DHX40: variants seen among roughly 807,000 people sequenced by gnomAD.
DHX40 encodes the protein probable ATP-dependent RNA helicase DHX40.
DHX40 carries 28 observed loss-of-function variants against 89.6 expected under a neutral mutation model. The ratio of observed to expected loss-of-function variants is 0.31; its 90% confidence interval spans 0.23 to 0.43. The LOEUF (loss-of-function observed/expected upper bound fraction) is 0.43. Among genes scored for constraint, DHX40 ranks in the 20% least tolerant of loss-of-function variants. The pLI is 1.00. For synonymous variants in DHX40, 226 were observed against 283.6 expected (o/e 0.80, Z 2.04); for missense variants, 457 against 844.0 (o/e 0.54, Z 5.68).
At position 59,569,102 on chromosome 17, in the gene DHX40, A is replaced by G. The variant is rs1312896370; in HGVS notation, c.281-1416A>G. The stretch of plus-strand genomic sequence containing the variant: ...CCAGCACATTGGGAGGCTGAGGCAG[A>G]TGGATCACTTGAGGTCAGAAGTTTG... On this transcript the variant is annotated intron_variant, in intron 2 of 17. Transcript: ENST00000251241. Among the ~76,000 whole-genome samples the G allele has an allele frequency of 2.6e-3, 397 of 152,024 alleles. 1 individual carries two copies. Among genetic ancestry groups the G allele is most frequent in the African/African-American group, 8.6e-3 (355 of 41,496 alleles).
chr17:59,595,483 G>A (rs1451701222), intron 12 of DHX40, among the ~76,000 whole-genome samples: 3 of 150,716 alleles, frequency 2.0e-5, no homozygotes, highest in Non-Finnish European at 4.4e-5. Context: ...AAAAAATTAA[G>A]AAAAAGTATG....
Position 59,605,179 on chromosome 17 carries a change from T to C in DHX40, c.1966T>C (p.Ser656Pro). 1 of 1,614,044 alleles carries C rather than the reference T, an allele frequency of 6.2e-7. No individual in the cohort carries two copies. Among genetic ancestry groups the C allele is most frequent in the Non-Finnish European group, 8.5e-7 (1 of 1,179,926 alleles). The change falls in exon 16 of 18, where the codon TCA (serine) becomes CCA (proline). Residue 656 changes from serine to proline, a missense_variant. Transcript: ENST00000251241. ...AAGCCCAGTTCACATTCATCCTTCC[T>C]CAGCAGTAAGTACTTCATTTTTAAT... is the stretch of plus-strand genomic sequence containing the variant. ...RGSPVHIHPS[S>P]ALHEQETKLE... is the part of the protein sequence containing the mutation.
At chr17:59,573,312 G>A in intron 4 of DHX40, 77 bp downstream of exon 4, 1 of 1,248,200 alleles carries the variant, frequency 8.0e-7, no homozygotes, top group Non-Finnish European at 1.1e-6. Flanking sequence ...GTAGAGAATT[G>A]CCTCCTCTTA....
rs1175616192 is a variant in DHX40 at position 59,597,876 on chromosome 17, A to C, written c.1583-861A>C. Among the ~76,000 whole-genome samples the C allele has an allele frequency of 2.1e-5, 3 of 145,446 alleles. No homozygotes were observed. The East Asian group carries it at 6.9e-4, about 34-fold the overall frequency. ...TGTGAACCCGGGAGGCGGAGCTTGC[A>C]GTGAGCCGAGATCGCGCCACTACAC... On this transcript the variant is annotated intron_variant, in intron 12 of 17. Transcript: ENST00000251241.
intron 12 of DHX40, among the ~76,000 whole-genome samples, chr17:59,595,670 C>CG (rs1157054593): frequency 2.1e-5 from 2 of 96,026 alleles, no homozygotes; most frequent in Non-Finnish European, 4.2e-5. Context: ...TTTCGTGGGG[C>CG]GGGGGGAGAT....
At chr17:59,577,171 G>A (rs773171282) in intron 7 of DHX40, 95 bp from the exon 8 acceptor site, 1 of 1,084,460 alleles carries the variant, frequency 9.2e-7, no homozygotes, top group South Asian at 1.3e-5. Context: ...GCCCGGCCTA[G>A]AAACATGACT....
At chr17:59,577,156 A>G (rs1409117947) in intron 7 of DHX40, 110 bp from the exon 8 acceptor site, 17 of 898,426 alleles carry the variant, frequency 1.9e-5, no homozygotes, top group Non-Finnish European at 3.0e-5. Context: ...GGCGTGAGTC[A>G]CCACGCCCGG....
In DHX40 at chr17:59,578,933, T is replaced by C. The variant is rs1165250481; in HGVS notation, c.1074-539T>C. Reference sequence around the variant, plus strand: ...TTTGAGGTTCGTCCACATTGTAGCATGTATCAGTACTTCATTCTTTTTTGT... The same window carrying C: ...TTTGAGGTTCGTCCACATTGTAGCACGTATCAGTACTTCATTCTTTTTTGT... On this transcript the variant is annotated intron_variant, in intron 8 of 17. Coordinates refer to ENST00000251241, the MANE Select transcript of DHX40 (RefSeq NM_024612.5). Among the ~76,000 whole-genome samples the C allele has an allele frequency of 8.8e-5, 12 of 136,836 alleles. 4 individuals are homozygous for C. The East Asian group carries it at 3.9e-3, about 45-fold the overall frequency. 89.8% of individuals were successfully genotyped at this position (136,836 alleles called of 152,430 possible). A position where few individuals can be genotyped will look rare whatever the true frequency, so the allele number is the denominator to read the frequency against.
chr17:59,588,756 G>C (rs2049037228), intron 12 of DHX40, among the ~76,000 whole-genome samples: 1 of 152,138 alleles, frequency 6.6e-6, no homozygotes, highest in Non-Finnish European at 1.5e-5. Flanking sequence ...ATTGACTTTT[G>C]CAGAGCGGAA....
intron 12 of DHX40, among the ~76,000 whole-genome samples, chr17:59,593,801 A>T (rs1012780273): frequency 6.6e-6 from 1 of 152,014 alleles, no homozygotes; most frequent in Non-Finnish European, 1.5e-5. Flanking sequence ...AAATTAAAAA[A>T]AAAAACAAAA....
intron 14 of DHX40, among the ~76,000 whole-genome samples, chr17:59,601,462 T>C (rs1235049891): frequency 6.6e-6 from 1 of 152,186 alleles, no homozygotes; most frequent in Admixed American, 6.6e-5. Flanking sequence ...TAATCTGCCA[T>C]TAATCCCATC....
Position 59,565,632 on chromosome 17 carries a change from A to T in DHX40, c.-40A>T. ...CTCGTCTTTCCCCTCCCATCTCCTCAGATCGGTGGACGTGCTCGCCTCCAC... is the reference window on the plus strand; with the variant it reads ...CTCGTCTTTCCCCTCCCATCTCCTCTGATCGGTGGACGTGCTCGCCTCCAC... On this transcript the variant is annotated 5_prime_UTR_variant, in exon 1 of 18. Coordinates refer to ENST00000251241, the MANE Select transcript of DHX40 (RefSeq NM_024612.5). 6.4e-7 allele frequency: 1 copy of T among 1,568,658 alleles called. No homozygotes were observed. The highest frequency in any genetic ancestry group is 8.6e-7 in the Non-Finnish European group (1 of 1,157,754).
intron 8 of DHX40, among the ~76,000 whole-genome samples, chr17:59,579,108 G>A (rs1458984018): frequency 9.7e-6 from 1 of 102,884 alleles, no homozygotes; most frequent in Non-Finnish European, 1.9e-5. Flanking sequence ...GGACATTTAG[G>A]TTGTTTTTAC....
intron 16 of DHX40, 75 bp downstream of exon 16, chr17:59,605,259 C>G: frequency 6.8e-7 from 1 of 1,466,382 alleles, no homozygotes; most frequent in Non-Finnish European, 9.4e-7. Context: ...ATGTCTTCTA[C>G]TTTTCACTTT....
intron 2 of DHX40, among the ~76,000 whole-genome samples, chr17:59,570,060 C>T (rs1363403587): frequency 1.1e-5 from 1 of 89,802 alleles, no homozygotes; most frequent in Non-Finnish European, 1.8e-5. Flanking sequence ...ATATAATATA[C>T]ATTATATTAT....
chr17:59,572,784 A>C (rs2048829369), intron 3 of DHX40, among the ~76,000 whole-genome samples: 1 of 152,214 alleles, frequency 6.6e-6, no homozygotes, highest in Non-Finnish European at 1.5e-5. Flanking sequence ...CTGAGTCAGA[A>C]AGATAAATCT....
intron 3 of DHX40, 46 bp from the exon 4 acceptor site, chr17:59,573,070 G>A: frequency 6.4e-7 from 1 of 1,571,526 alleles, no homozygotes. Context: ...AAATTTAGTT[G>A]GGAAAATAGT....
intron 14 of DHX40, among the ~76,000 whole-genome samples, chr17:59,600,136 A>G (rs2030398786): frequency 6.6e-6 from 1 of 151,982 alleles, no homozygotes; most frequent in African/African-American, 2.4e-5. Context: ...ATTCCCTTTC[A>G]TAATCCATTG....
chr17:59,587,478 GCCT>G (rs2049016225), intron 11 of DHX40, among the ~76,000 whole-genome samples: 1 of 149,652 alleles, frequency 6.7e-6, no homozygotes, highest in Non-Finnish European at 1.5e-5. Context: ...ACCTGCCTCG[GCCT>G]CCCAAAGTGC....
Sources: gnomAD v4.1 joint callset for allele counts (sites outside exome capture counted in the v4.1 genomes callset) on GRCh38, gnomAD v4.1.1 for gene constraint, MANE v1.5 for transcripts, NCBI Gene and HGNC (gene_info 2026-07-23, HGNC 2026-07-21) for gene names.